AUTS2: variants seen among roughly 807,000 people sequenced by gnomAD.
The protein encoded by AUTS2 is autism susceptibility gene 2 protein.
AUTS2 carries 17 observed loss-of-function variants against 112.4 expected under a neutral mutation model. That is an observed-to-expected ratio of 0.15 (90% CI 0.10 to 0.23). The LOEUF (loss-of-function observed/expected upper bound fraction) is 0.23, where lower values mean the gene tolerates loss of function less well. Ranked by LOEUF, AUTS2 falls within the 10% of genes least tolerant of loss-of-function variation. The pLI, the probability that AUTS2 is intolerant of heterozygous loss-of-function variation, is 1.00. For missense variants in AUTS2, 1,510 were observed against 1,701.6 expected (o/e 0.89, Z 1.98); for synonymous variants, 751 against 702.7 (o/e 1.07, Z -1.09).
At chr7:70,052,391 C>T (rs1385390645) in intron 2 of AUTS2, among the ~76,000 whole-genome samples, 1 of 152,186 alleles carries the variant, frequency 6.6e-6, no homozygotes, top group Admixed American at 6.5e-5. Flanking sequence ...GTTTAATCCT[C>T]CCCAGCACCC....
In AUTS2 at chr7:69,879,613, A is replaced by G. The variant is rs150772889; in HGVS notation, c.310-19673A>G. ...TGACACTCTTCTAAGCACATTATAT[A>G]TATTAACTTATTAAATTCTCACAAA... On this transcript the variant is annotated intron_variant, in intron 1 of 18. Transcript: ENST00000342771. Among the ~76,000 whole-genome samples the G allele has an allele frequency of 1.5e-3, 235 of 152,282 alleles. 1 individual carries two copies. Among genetic ancestry groups the G allele is most frequent in the African/African-American group, 4.8e-3 (198 of 41,552 alleles).
chr7:70,444,373 T>TGTGTGTGTGTGTGTGTGAGAGAGA (rs372696006), intron 5 of AUTS2, among the ~76,000 whole-genome samples: 62 of 142,494 alleles, frequency 4.4e-4, no homozygotes, highest in Admixed American at 9.7e-4. Context: ...TGTGTGTGTG[T>TGTGTGTGTGTGTGTGTGAGAGAGA]GAGAGAGAGA....
chr7:69,859,272 GAAAT>G (rs1251180680), intron 1 of AUTS2, among the ~76,000 whole-genome samples: 2 of 152,142 alleles, frequency 1.3e-5, no homozygotes, highest in Admixed American at 1.3e-4. Flanking sequence ...AAAAGAAAAA[GAAAT>G]AAAGTTAGAG....
chr7:70,670,228 A>G (rs115296018), intron 5 of AUTS2, among the ~76,000 whole-genome samples: 26 of 152,214 alleles, frequency 1.7e-4, no homozygotes, highest in African/African-American at 6.3e-4. Flanking sequence ...CCCTGTTTTA[A>G]TTGCCTTTTC....
intron 5 of AUTS2, among the ~76,000 whole-genome samples, chr7:70,641,596 C>T (rs1200660665): frequency 6.6e-6 from 1 of 152,088 alleles, no homozygotes; most frequent in Non-Finnish European, 1.5e-5. Context: ...TCTGTGAGCT[C>T]ACCAGTTAAC....
intron 2 of AUTS2, among the ~76,000 whole-genome samples, chr7:70,031,808 A>G (rs944560135): frequency 1.3e-5 from 2 of 152,168 alleles, no homozygotes; most frequent in South Asian, 2.1e-4. Flanking sequence ...TATGCACTCT[A>G]TGTCCCTTAC....
intron 4 of AUTS2, among the ~76,000 whole-genome samples, chr7:70,142,524 G>A (rs1367070946): frequency 2.0e-5 from 3 of 152,158 alleles, no homozygotes; most frequent in African/African-American, 7.2e-5. Flanking sequence ...CGGAGTGGCC[G>A]AGTCTGCTTT....
At chr7:69,994,657 G>A (rs777277739) in intron 2 of AUTS2, among the ~76,000 whole-genome samples, 2 of 152,074 alleles carry the variant, frequency 1.3e-5, no homozygotes, top group Non-Finnish European at 2.9e-5. Context: ...TGATAAAATC[G>A]TGGAGTCTTA....
intron 4 of AUTS2, among the ~76,000 whole-genome samples, chr7:70,303,780 ACTCTT>A (rs1005139242): frequency 1.3e-4 from 20 of 151,710 alleles, no homozygotes; most frequent in Admixed American, 2.6e-4. Context: ...GTGCCCTGAC[ACTCTT>A]CTCTTCCTCA....
At chr7:70,239,714 C>T (rs183978484) in intron 4 of AUTS2, among the ~76,000 whole-genome samples, 2 of 152,122 alleles carry the variant, frequency 1.3e-5, no homozygotes, top group African/African-American at 4.8e-5. Flanking sequence ...GGATTACAGG[C>T]GTGAGCCACC....
intron 4 of AUTS2, among the ~76,000 whole-genome samples, chr7:70,279,117 C>T (rs1387733174): frequency 6.6e-6 from 1 of 152,172 alleles, no homozygotes; most frequent in East Asian, 1.9e-4. Context: ...CTCTTCTCCC[C>T]CTGCATCTCT....
intron 2 of AUTS2, among the ~76,000 whole-genome samples, chr7:70,010,191 A>G (rs983645056): frequency 1.3e-5 from 2 of 151,950 alleles, no homozygotes; most frequent in Non-Finnish European, 2.9e-5. Flanking sequence ...TGTTGCCCAA[A>G]CTGGAGTGCA....
At chr7:70,171,943 A>G (rs1808721893) in intron 4 of AUTS2, among the ~76,000 whole-genome samples, 1 of 151,280 alleles carries the variant, frequency 6.6e-6, no homozygotes, top group Admixed American at 6.6e-5. Context: ...TTTCTTGGTC[A>G]GAGCTTTTTA....
rs1441099526 is a variant in AUTS2, at chr7:70,433,311, C to G, written c.661-2441C>G. On this transcript the variant is annotated intron_variant, in intron 4 of 18. Transcript: ENST00000342771. ...AGGTGGGCAAATGCGATGCCACAGC[C>G]TTCAGCTGTCATTGATTACCTCACA... is the stretch of plus-strand genomic sequence containing the variant. Among the ~76,000 whole-genome samples the G allele has an allele frequency of 2.0e-5, 3 of 152,200 alleles. No homozygotes were observed. In the East Asian group the frequency reaches 5.8e-4, roughly 29 times the overall value.
chr7:69,909,161 T>C (rs1477103871), intron 2 of AUTS2, among the ~76,000 whole-genome samples: 1 of 152,278 alleles, frequency 6.6e-6, no homozygotes. Flanking sequence ...AATAATTGGA[T>C]CATATTTTTG....
chr7:69,740,626 G>T (rs745729338), intron 1 of AUTS2, among the ~76,000 whole-genome samples: 1 of 151,924 alleles, frequency 6.6e-6, no homozygotes, highest in African/African-American at 2.4e-5. Flanking sequence ...CGGGTTCAAG[G>T]AATTCTCCTG....
At chr7:70,239,894 A>G (rs766876572) in intron 4 of AUTS2, among the ~76,000 whole-genome samples, 1 of 152,198 alleles carries the variant, frequency 6.6e-6, no homozygotes, top group African/African-American at 2.4e-5. Context: ...TCCCACTCCT[A>G]TTGCCGATCG....
At chr7:70,421,221 AT>A (rs543380661) in intron 4 of AUTS2, among the ~76,000 whole-genome samples, 28 of 152,154 alleles carry the variant, frequency 1.8e-4, no homozygotes, top group African/African-American at 6.0e-4. Flanking sequence ...TTTTAACATA[AT>A]TTTTTAGTAA....
chr7:70,413,581 T>C (rs1460175491), intron 4 of AUTS2, among the ~76,000 whole-genome samples: 2 of 152,230 alleles, frequency 1.3e-5, no homozygotes, highest in African/African-American at 2.4e-5. Flanking sequence ...AAGCTTGTTG[T>C]TTTTGGTATA....
Sources: gnomAD v4.1 joint callset for allele counts (sites outside exome capture counted in the v4.1 genomes callset) on GRCh38, gnomAD v4.1.1 for gene constraint, MANE v1.5 for transcripts, NCBI Gene and HGNC (gene_info 2026-07-23, HGNC 2026-07-21) for gene names.